The following AREG variants were observed in gnomAD, a reference collection of about 807,000 sequenced individuals.
AREG encodes amphiregulin B.
AREG carries 16 observed loss-of-function variants against 28.0 expected under a neutral mutation model. That is an observed-to-expected ratio of 0.57 (90% confidence interval 0.39 to 0.87). The LOEUF (loss-of-function observed/expected upper bound fraction) is 0.87. AREG is among the 40% of genes least tolerant of loss of function. The probability of loss-of-function intolerance (pLI) is 0.00; values close to 1 mark genes in which losing one functional copy is unlikely to be tolerated. For synonymous variants in AREG, 113 were observed against 113.5 expected, an observed-to-expected ratio of 1.00 and a Z score of 0.02; for missense variants, 287 against 309.1, an observed-to-expected ratio of 0.93 and a Z score of 0.53.
At chr4:74,449,505 G>A (rs1287282341) in intron 3 of AREG, among the ~76,000 whole-genome samples, 1 of 152,170 alleles carries the variant, frequency 6.6e-6, no homozygotes, top group Non-Finnish European at 1.5e-5. Flanking sequence ...CAGCACTTTG[G>A]GGGGCCGAGG....
chr4:74,446,730 G>A lies in AREG; in HGVS notation c.258G>A (p.Glu86=), dbSNP rs771960969. 1.9e-6 allele frequency: 3 copies of A among 1,613,872 alleles called. No homozygotes were observed. The highest frequency in any genetic ancestry group is 8.5e-7 in the Non-Finnish European group (1 of 1,179,878). ...SSGADYDYSE[E]YDNEPQIPGY... ...GAGCCGACTATGACTACTCAGAAGA[G>A]TATGATAACGAACCACAAATACCTG... The change falls in exon 2 of 6, where the codon GAG becomes GAA. Residue 86 remains glutamate (E), a synonymous_variant. Coordinates refer to ENST00000395748, the MANE Select transcript of AREG (RefSeq NM_001657.4).
rs952682558 is a variant in AREG, at chr4:74,452,660, G to C, written c.*18+5G>C. The C allele has an allele frequency of 3.1e-6, 5 of 1,610,528 alleles. No individual in the cohort carries two copies. Among genetic ancestry groups the C allele is most frequent in the Non-Finnish European group, 4.2e-6 (5 of 1,178,432 alleles). On this transcript the variant is annotated splice_donor_5th_base_variant and intron_variant, in intron 5 of 5. Coordinates refer to ENST00000395748, the MANE Select transcript of AREG (RefSeq NM_001657.4). The stretch of plus-strand genomic sequence containing the variant: ...TAACTGAAGATAAAATTACAGGTTT[G>C]AGTTTTAAAATATATCTTTAGATCA...
chr4:74,448,245 C>T (rs1719323484), intron 2 of AREG, among the ~76,000 whole-genome samples: 1 of 152,156 alleles, frequency 6.6e-6, no homozygotes, highest in African/African-American at 2.4e-5. Flanking sequence ...AGAAAAGTTT[C>T]AATATAAAAA....
At chr4:74,450,161 G>T (rs929761454) in intron 3 of AREG, among the ~76,000 whole-genome samples, 1 of 152,062 alleles carries the variant, frequency 6.6e-6, no homozygotes. Flanking sequence ...ATGACAAGGC[G>T]TGTCTTCTTG....
rs1182447377 is a variant in AREG, at chr4:74,454,945, T to G, written c.*205T>G. 1 of 645,114 alleles carries G rather than the reference T, an allele frequency of 1.6e-6. No individual in the cohort carries two copies. Among genetic ancestry groups the G allele is most frequent in the Non-Finnish European group, 2.8e-6 (1 of 361,832 alleles). 40.0% of individuals were successfully genotyped at this position (645,114 alleles called of 1,614,324 possible). A position where few individuals can be genotyped will look rare whatever the true frequency, so the allele number is the denominator to read the frequency against. On this transcript the variant is annotated 3_prime_UTR_variant, in exon 6 of 6. Coordinates refer to ENST00000395748, the MANE Select transcript of AREG (RefSeq NM_001657.4). ...AAGTATTTTTTCAAGTTGTAAATAA[T>G]TTATTTAATATTTAATGGAAGTGTA...
intron 5 of AREG, among the ~76,000 whole-genome samples, chr4:74,453,545 A>G (rs1719413354): frequency 6.6e-6 from 1 of 152,178 alleles, no homozygotes; most frequent in Admixed American, 6.5e-5. Flanking sequence ...AAGGAACTTT[A>G]TTTCCTTAAA....
Position 74,454,776 on chromosome 4 carries a change from A to C in AREG, c.*36A>C. 1.4e-6 allele frequency: 1 copy of C among 698,036 alleles called. No individual in the cohort carries two copies. The highest frequency in any genetic ancestry group is 2.6e-6 in the Non-Finnish European group (1 of 382,472). The allele number at this position is 698,036 out of a possible 1,614,324, so 43.2% of individuals were successfully genotyped here. The stretch of plus-strand genomic sequence containing the variant: ...TCTCACAGGATATCACATTGGAGTC[A>C]CTGCCAAGTCATAGCCATAAATGAT... On this transcript the variant is annotated 3_prime_UTR_variant, in exon 6 of 6. Coordinates refer to ENST00000395748, the MANE Select transcript of AREG (RefSeq NM_001657.4).
chr4:74,451,419 T>C (rs3775494), intron 4 of AREG, among the ~76,000 whole-genome samples: 52,838 of 152,016 alleles, frequency 0.35, 9,947 homozygotes, highest in Non-Finnish European at 0.42. Context: ...GGTAAATAAC[T>C]TTAACAGCTA....
At position 74,451,261 on chromosome 4, in the gene AREG, C is replaced by G. The variant is rs949483051; in HGVS notation, c.665+729C>G. ...ACTAGACTGTCCCAGGTAGTAGGCACTGATGGGTGCATCAAAATGGCATTG... is the reference window on the plus strand; with the variant it reads ...ACTAGACTGTCCCAGGTAGTAGGCAGTGATGGGTGCATCAAAATGGCATTG... On this transcript the variant is annotated intron_variant, in intron 4 of 5. Coordinates refer to ENST00000395748, the MANE Select transcript of AREG (RefSeq NM_001657.4). Among the ~76,000 whole-genome samples, 113 of 152,306 alleles carry G rather than the reference C, an allele frequency of 7.4e-4. 1 individual carries two copies. The East Asian group carries it at 0.019, about 26-fold the overall frequency.
In AREG at chr4:74,445,331, C is replaced by G. The variant is rs369221374; in HGVS notation, c.-15C>G. 3 of 1,608,778 alleles carry G rather than the reference C, an allele frequency of 1.9e-6. No individual in the cohort carries two copies. The African/African-American group carries it at 4.0e-5, about 22-fold the overall frequency. On this transcript the variant is annotated 5_prime_UTR_variant, in exon 1 of 6. Coordinates refer to ENST00000395748, the MANE Select transcript of AREG (RefSeq NM_001657.4). ...GTTGCCCCAGAGACCGAGACGCCGC[C>G]GCTGCGAAGGACCAATGAGAGCCCC...
intron 4 of AREG, among the ~76,000 whole-genome samples, chr4:74,451,535 G>A (rs1719381972): frequency 6.6e-6 from 1 of 152,110 alleles, no homozygotes; most frequent in African/African-American, 2.4e-5. Flanking sequence ...ATCATAACAT[G>A]ACACATAAAA....
chr4:74,452,190 G>A (rs1719391728), intron 4 of AREG, among the ~76,000 whole-genome samples: 1 of 152,136 alleles, frequency 6.6e-6, no homozygotes. Context: ...ATTTGTGCAA[G>A]TATAGAGTTC....
intron 1 of AREG, 90 bp downstream of exon 1, chr4:74,445,496 C>T (rs1719266860): frequency 1.3e-6 from 2 of 1,545,146 alleles, no homozygotes; most frequent in African/African-American, 1.4e-5. Flanking sequence ...TAAAAATCGC[C>T]CTTTAGTTCC....
intron 4 of AREG, 36 bp from the exon 5 acceptor site, chr4:74,452,508 A>G (rs925585845): frequency 3.2e-5 from 51 of 1,612,362 alleles, no homozygotes; most frequent in Non-Finnish European, 4.3e-5. Flanking sequence ...AGATGAATAG[A>G]ACCTTGATAA....
intron 4 of AREG, 127 bp from the exon 5 acceptor site, chr4:74,452,417 T>G: frequency 9.6e-7 from 1 of 1,036,452 alleles, no homozygotes. Context: ...TTAGGTTTAG[T>G]GTCAAGTATA....
intron 3 of AREG, among the ~76,000 whole-genome samples, chr4:74,449,998 C>T (rs1328993786): frequency 2.0e-5 from 3 of 150,600 alleles, no homozygotes; most frequent in African/African-American, 4.9e-5. Context: ...TAAAAAAGGA[C>T]CTAAAGGTAA....
intron 1 of AREG, 110 bp from the exon 2 acceptor site, chr4:74,446,424 G>A (rs1471912712): frequency 1.1e-4 from 178 of 1,586,546 alleles, no homozygotes; most frequent in Middle Eastern, 6.7e-4. Context: ...AATAGCACAT[G>A]TGCAATAACT....
intron 2 of AREG, among the ~76,000 whole-genome samples, chr4:74,447,859 T>C (rs1436793927): frequency 1.3e-5 from 2 of 152,002 alleles, no homozygotes; most frequent in Non-Finnish European, 2.9e-5. Context: ...TTCTGTGAGG[T>C]GGGTAAGGGG....
rs1004675667 is a variant in AREG at position 74,446,422 on chromosome 4, A to C, written c.62-112A>C. The C allele has an allele frequency of 7.6e-6, 12 of 1,582,338 alleles. No homozygotes were observed. In the African/African-American group the frequency reaches 1.2e-4, roughly 16 times the overall value. On this transcript the variant is annotated intron_variant, in intron 1 of 5. Coordinates refer to ENST00000395748, the MANE Select transcript of AREG (RefSeq NM_001657.4). ...ATGACTCAATCACAAACAATAGCAC[A>C]TGTGCAATAACTGCTTTGATGTCAA... is the stretch of plus-strand genomic sequence containing the variant.
Sources: gnomAD v4.1 joint callset for allele counts (sites outside exome capture counted in the v4.1 genomes callset) on GRCh38, gnomAD v4.1.1 for gene constraint, MANE v1.5 for transcripts, NCBI Gene and HGNC (gene_info 2026-07-23, HGNC 2026-07-21) for gene names.